LIMS1: variants seen among roughly 807,000 people sequenced by gnomAD.
LIMS1 encodes the protein LIM and senescent cell antigen-like-containing domain protein 1.
LIMS1 carries 18 observed loss-of-function variants against 44.1 expected under a neutral mutation model. The ratio of observed to expected loss-of-function variants is 0.41; its 90% CI spans 0.28 to 0.61. The LOEUF (loss-of-function observed/expected upper bound fraction) is 0.61, where lower values mean the gene tolerates loss of function less well. Ranked by LOEUF, LIMS1 falls within the 20% of genes least tolerant of loss-of-function variation. The probability of loss-of-function intolerance (pLI) is 0.32; values close to 1 mark genes in which losing one functional copy is unlikely to be tolerated. For synonymous variants in LIMS1, 93 were observed against 149.1 expected (o/e 0.62, Z 2.74); for missense variants, 201 against 422.0 (o/e 0.48, Z 4.59).
chr2:108,610,505 A>G (rs1687542361), intron 1 of LIMS1, among the ~76,000 whole-genome samples: 1 of 152,154 alleles, frequency 6.6e-6, no homozygotes, highest in Admixed American at 6.5e-5. Context: ...TCATCCCAAA[A>G]TACCTCAGGG....
At chr2:108,550,699 C>T (rs1445573785) in intron 1 of LIMS1, among the ~76,000 whole-genome samples, 1 of 150,896 alleles carries the variant, frequency 6.6e-6, no homozygotes, top group African/African-American at 2.4e-5. Context: ...GCCTGTAGTC[C>T]CAGTTACTCG....
At chr2:108,668,141 A>C (rs868817519) in intron 2 of LIMS1, among the ~76,000 whole-genome samples, 1 of 152,206 alleles carries the variant, frequency 6.6e-6, no homozygotes, top group South Asian at 2.1e-4. Context: ...ATTGTGTAAA[A>C]ATCAAATCAG....
intron 1 of LIMS1, among the ~76,000 whole-genome samples, chr2:108,656,282 T>G (rs62151361): frequency 0.47 from 68,897 of 145,496 alleles, 16,158 homozygotes; most frequent in East Asian, 0.96. Flanking sequence ...GTCATGCCTG[T>G]CCTGACTTTT....
chr2:108,628,466 T>C (rs143976850), intron 1 of LIMS1, among the ~76,000 whole-genome samples: 22 of 152,324 alleles, frequency 1.4e-4, no homozygotes, highest in African/African-American at 5.3e-4. Flanking sequence ...AATCGATAAA[T>C]GAATGAAATG....
chr2:108,659,308 C>A (rs1465195652), intron 1 of LIMS1: 1 of 297,332 alleles, frequency 3.4e-6, no homozygotes, highest in South Asian at 1.4e-4. Context: ...TCATCTCTGT[C>A]TCAGGTGCCT....
chr2:108,621,207 TGCTTCAGCA>T (rs1477107143), intron 1 of LIMS1: 12 of 1,397,762 alleles, frequency 8.6e-6, no homozygotes, highest in Non-Finnish European at 1.0e-5. Context: ...CAGGAAGCTG[TGCTTCAGCA>T]GCTTGGTCTG....
chr2:108,596,330 G>A (rs1248186607), intron 1 of LIMS1, among the ~76,000 whole-genome samples: 1 of 152,218 alleles, frequency 6.6e-6, no homozygotes, highest in Non-Finnish European at 1.5e-5. Flanking sequence ...AAGATGAGCT[G>A]TAGCTGTGGA....
chr2:108,645,290 G>A (rs971468392), intron 1 of LIMS1, among the ~76,000 whole-genome samples: 19 of 152,118 alleles, frequency 1.2e-4, no homozygotes, highest in African/African-American at 1.9e-4. Context: ...GACTAACAGC[G>A]GATCTCGGCA....
chr2:108,545,181 A>G (rs1187664313), intron 1 of LIMS1, among the ~76,000 whole-genome samples: 1 of 152,090 alleles, frequency 6.6e-6, no homozygotes, highest in Non-Finnish European at 1.5e-5. Flanking sequence ...AAGAAATTGC[A>G]TGGTTATCTT....
rs924768082 is a variant in LIMS1 at position 108,615,702 on chromosome 2, G to A, written c.33-43903G>A. On this transcript the variant is annotated intron_variant, in intron 1 of 9. Transcript: ENST00000544547. ...ATGTGTACCTGCTTTATTCAGGAATGAGATTTCTGACTATATGAAGAAGGA... is the reference window on the plus strand; with the variant it reads ...ATGTGTACCTGCTTTATTCAGGAATAAGATTTCTGACTATATGAAGAAGGA... Among the ~76,000 whole-genome samples the A allele has an allele frequency of 7.2e-5, 11 of 152,148 alleles. 1 individual carries two copies. The highest frequency in any genetic ancestry group is 5.2e-4 in the Admixed American group (8 of 15,278).
chr2:108,670,901 T>C, intron 3 of LIMS1, 54 bp downstream of exon 3: 2 of 1,316,802 alleles, frequency 1.5e-6, no homozygotes, highest in Admixed American at 3.4e-5. Context: ...CCAGGCGCGG[T>C]GGCTCACACC....
intron 5 of LIMS1, among the ~76,000 whole-genome samples, chr2:108,675,161 T>C (rs1330084726): frequency 6.6e-6 from 1 of 152,042 alleles, no homozygotes; most frequent in Non-Finnish European, 1.5e-5. Context: ...GTCTATTTTA[T>C]GCGCCTGTAA....
At chr2:108,648,521 A>G (rs777710354) in intron 1 of LIMS1, among the ~76,000 whole-genome samples, 11 of 152,230 alleles carry the variant, frequency 7.2e-5, no homozygotes, top group Non-Finnish European at 1.5e-4. Flanking sequence ...ACCAAAAAGA[A>G]CAAAGCTGGA....
rs544149951 is a variant in LIMS1 at position 108,571,504 on chromosome 2, CTT to C, written c.32+36912_32+36913del. 1.9e-3 allele frequency among the ~76,000 whole-genome samples: 291 copies of C among 152,306 alleles called. 3 individuals are homozygous for C. The highest frequency in any genetic ancestry group is 6.7e-3 in the African/African-American group (277 of 41,556). On this transcript the variant is annotated intron_variant, in intron 1 of 9. Transcript: ENST00000544547. ...CTATTTATAAACAGGAAATATACCT[CTT>C]TGAAAATAAACATTGGCGTACATAA...
At chr2:108,589,418 T>C (rs1338049374) in intron 1 of LIMS1, among the ~76,000 whole-genome samples, 2 of 152,204 alleles carry the variant, frequency 1.3e-5, no homozygotes, top group Admixed American at 6.5e-5. Context: ...TGCTGTACAA[T>C]AGATCACCAG....
At chr2:108,611,868 TACAC>T (rs1558808744) in intron 1 of LIMS1, among the ~76,000 whole-genome samples, 1 of 122,902 alleles carries the variant, frequency 8.1e-6, no homozygotes. Flanking sequence ...CACATATATA[TACAC>T]ATATATATAA....
chr2:108,671,585 A>C (rs1346127246), intron 3 of LIMS1, among the ~76,000 whole-genome samples: 9 of 152,182 alleles, frequency 5.9e-5, no homozygotes, highest in Admixed American at 5.9e-4. Context: ...ACTGGTTGCT[A>C]ATACCTCTGC....
chr2:108,625,292 C>T (rs997437127), intron 1 of LIMS1, among the ~76,000 whole-genome samples: 1 of 152,172 alleles, frequency 6.6e-6, no homozygotes, highest in Admixed American at 6.5e-5. Context: ...CACAGCCATG[C>T]TTATTTGTAT....
chr2:108,634,497 C>T (rs987489131), intron 1 of LIMS1, among the ~76,000 whole-genome samples: 2 of 152,202 alleles, frequency 1.3e-5, no homozygotes, highest in African/African-American at 4.8e-5. Flanking sequence ...GAACATTGCC[C>T]CTACCACTAG....
Sources: allele counts gnomAD v4.1 joint callset (sites outside exome capture counted in the v4.1 genomes callset), GRCh38; gene constraint gnomAD v4.1.1; transcripts MANE v1.5; gene names NCBI Gene and HGNC (gene_info 2026-07-23, HGNC 2026-07-21).